RALGPS1: variants seen among roughly 807,000 people sequenced by gnomAD.
RALGPS1 encodes the protein Ral GEF with PH domain and SH3 binding motif 1.
Under a neutral mutation model 78.8 loss-of-function variants are expected in RALGPS1, and 19 were observed. The observed-to-expected ratio is 0.24, with a 90% CI of 0.17 to 0.35. The LOEUF (loss-of-function observed/expected upper bound fraction) is 0.35, where lower values mean the gene tolerates loss of function less well. Ranked by LOEUF, RALGPS1 falls within the 10% of genes least tolerant of loss-of-function variation. RALGPS1 has a pLI of 1.00. For synonymous variants in RALGPS1, 228 were observed against 256.3 expected, an observed-to-expected ratio of 0.89 and a Z score of 1.06; for missense variants, 454 against 688.3, an observed-to-expected ratio of 0.66 and a Z score of 3.81.
At chr9:126,948,981 A>C (rs1179816418) in intron 1 of RALGPS1, among the ~76,000 whole-genome samples, 4 of 148,748 alleles carry the variant, frequency 2.7e-5, no homozygotes, top group Non-Finnish European at 4.5e-5. Context: ...CCCACCCCAC[A>C]ACAGTCCCCA....
At chr9:127,121,733 C>G (rs905019515) in intron 8 of RALGPS1, among the ~76,000 whole-genome samples, 1 of 152,240 alleles carries the variant, frequency 6.6e-6, no homozygotes. Context: ...GCAGCAGCCC[C>G]TGGGTGATGC....
intron 8 of RALGPS1, among the ~76,000 whole-genome samples, chr9:127,074,519 T>G (rs2050507041): frequency 6.6e-6 from 1 of 152,198 alleles, no homozygotes; most frequent in Admixed American, 6.5e-5. Flanking sequence ...GAGACAACGT[T>G]GATGGTACTA....
intron 3 of RALGPS1, among the ~76,000 whole-genome samples, chr9:126,972,783 G>A (rs972338696): frequency 3.9e-5 from 6 of 152,166 alleles, no homozygotes; most frequent in African/African-American, 9.7e-5. Flanking sequence ...AGTACATATC[G>A]GCTGGGGCAG....
intron 1 of RALGPS1, among the ~76,000 whole-genome samples, chr9:126,915,290 G>T (rs1320974149): frequency 7.4e-6 from 1 of 134,388 alleles, no homozygotes; most frequent in Admixed American, 7.2e-5. Context: ...GGGCCGGGGG[G>T]GCAGTTGGGC....
At chr9:127,020,310 G>A (rs992185680) in intron 4 of RALGPS1, among the ~76,000 whole-genome samples, 5 of 152,200 alleles carry the variant, frequency 3.3e-5, no homozygotes, top group Non-Finnish European at 7.3e-5. Context: ...GTCAGAGCCT[G>A]CACCTTCCTG....
chr9:127,201,031 T>A (rs1564783712), intron 14 of RALGPS1, among the ~76,000 whole-genome samples: 1 of 152,250 alleles, frequency 6.6e-6, no homozygotes, highest in Non-Finnish European at 1.5e-5. Context: ...GCAGATATAG[T>A]TCCTGCTAAG....
intron 5 of RALGPS1, among the ~76,000 whole-genome samples, chr9:127,040,181 A>G (rs373934205): frequency 6.6e-6 from 1 of 152,212 alleles, no homozygotes; most frequent in Admixed American, 6.5e-5. Context: ...CAGGTGGATC[A>G]TCTGAGGTCA....
At chr9:127,116,730 TG>T (rs2055466757) in intron 8 of RALGPS1, among the ~76,000 whole-genome samples, 1 of 152,232 alleles carries the variant, frequency 6.6e-6, no homozygotes, top group African/African-American at 2.4e-5. Context: ...GCTGTTTGGA[TG>T]GACTTGTTCC....
intron 5 of RALGPS1, among the ~76,000 whole-genome samples, chr9:127,041,013 T>A (rs2047244760): frequency 7.5e-6 from 1 of 133,902 alleles, no homozygotes; most frequent in African/African-American, 2.6e-5. Context: ...CAACTATGAA[T>A]AAAGCTGCTA....
In RALGPS1 at chr9:127,202,285, A is replaced by G. The variant is rs529166498; in HGVS notation, c.1247+3219A>G. Among the ~76,000 whole-genome samples the G allele has an allele frequency of 2.0e-5, 3 of 152,314 alleles. No individual in the cohort carries two copies. In the South Asian group the frequency reaches 6.2e-4, roughly 32 times the overall value. Reference sequence around the variant, plus strand: ...AGGCAGGAGTTTCTATTGTCTGGCCAGGGGTGAGACTCTGCATGCCCGTCT... The same window carrying G: ...AGGCAGGAGTTTCTATTGTCTGGCCGGGGGTGAGACTCTGCATGCCCGTCT... On this transcript the variant is annotated intron_variant, in intron 14 of 18. Coordinates refer to ENST00000259351, the MANE Select transcript of RALGPS1 (RefSeq NM_014636.3).
chr9:126,927,540 C>G (rs2035399052), intron 1 of RALGPS1, among the ~76,000 whole-genome samples: 1 of 152,164 alleles, frequency 6.6e-6, no homozygotes, highest in African/African-American at 2.4e-5. Context: ...TTTGTTTACA[C>G]TAGTGTCAGA....
intron 1 of RALGPS1, among the ~76,000 whole-genome samples, chr9:126,930,333 A>G (rs1337140595): frequency 2.0e-5 from 3 of 152,178 alleles, no homozygotes; most frequent in Non-Finnish European, 2.9e-5. Flanking sequence ...TGACAGTATT[A>G]TATCTCCAAA....
At chr9:126,958,142 A>AAAAAAAAAAAAAAAATATATATAT (rs113413659) in intron 1 of RALGPS1, among the ~76,000 whole-genome samples, 1 of 77,084 alleles carries the variant, frequency 1.3e-5, no homozygotes, top group South Asian at 5.2e-4. Flanking sequence ...AAAAAAAAAA[A>AAAAAAAAAAAAAAAATATATATAT]ATATATATAT....
chr9:126,956,929 A>C (rs1165642345), intron 1 of RALGPS1, among the ~76,000 whole-genome samples: 1 of 152,212 alleles, frequency 6.6e-6, no homozygotes, highest in Non-Finnish European at 1.5e-5. Context: ...CTCTTGCAAG[A>C]GGCAGTGTCA....
intron 8 of RALGPS1, among the ~76,000 whole-genome samples, chr9:127,111,493 A>G (rs1005766313): frequency 1.3e-5 from 2 of 152,186 alleles, no homozygotes; most frequent in African/African-American, 2.4e-5. Flanking sequence ...ACACCTGCCA[A>G]CAGCTGCTGA....
At chr9:126,974,898 C>T (rs956756676) in intron 3 of RALGPS1, among the ~76,000 whole-genome samples, 1 of 152,038 alleles carries the variant, frequency 6.6e-6, no homozygotes, top group South Asian at 2.1e-4. Context: ...GAGATGGTCC[C>T]GAGAGCTGGC....
At chr9:127,151,241 G>A (rs571269828) in intron 8 of RALGPS1, among the ~76,000 whole-genome samples, 97 of 151,764 alleles carry the variant, frequency 6.4e-4, no homozygotes, top group Non-Finnish European at 6.6e-4. Flanking sequence ...TGCTGCCGCC[G>A]GTCTGTGATG....
intron 7 of RALGPS1, among the ~76,000 whole-genome samples, chr9:127,055,208 ATCTATCTG>A (rs1446464229): frequency 4.3e-5 from 4 of 92,058 alleles, no homozygotes; most frequent in East Asian, 2.9e-4. Flanking sequence ...TTTTCTATCT[ATCTATCTG>A]TCTGTCTGTC....
intron 4 of RALGPS1, among the ~76,000 whole-genome samples, chr9:127,030,940 G>A (rs1039801838): frequency 2.0e-5 from 3 of 152,190 alleles, no homozygotes; most frequent in Non-Finnish European, 4.4e-5. Context: ...CAGGAGGAAG[G>A]TCTCAGCAGC....
Sources: allele counts gnomAD v4.1 joint callset (sites outside exome capture counted in the v4.1 genomes callset), GRCh38; gene constraint gnomAD v4.1.1; transcripts MANE v1.5; gene names NCBI Gene and HGNC (gene_info 2026-07-23, HGNC 2026-07-21).